The following TTC23L variants were observed in gnomAD, a reference collection of about 807,000 sequenced individuals.
TTC23L encodes tetratricopeptide repeat domain 23 like, also known as tetratricopeptide repeat protein 23-like.
In TTC23L, 42 loss-of-function variants were observed where a neutral mutation model predicts 48.1. That is an observed-to-expected ratio of 0.87 (90% confidence interval 0.68 to 1.13). The LOEUF is 1.13. TTC23L is among the 50% of genes most tolerant of loss of function. The pLI, the probability that TTC23L is intolerant of heterozygous loss-of-function variation, is 0.00. For missense variants in TTC23L, 391 were observed against 421.0 expected (o/e 0.93, Z 0.62); for synonymous variants, 159 against 157.2 (o/e 1.01, Z -0.09).
At chr5:34,841,554 G>C (rs1285748826) in intron 2 of TTC23L, among the ~76,000 whole-genome samples, 1 of 152,160 alleles carries the variant, frequency 6.6e-6, no homozygotes, top group African/African-American at 2.4e-5. Flanking sequence ...GCCTTGCTCT[G>C]TCACCCAGGC....
the TTC23L span, chr5:34,916,246 T>A: frequency 5.5e-6 from 1 of 181,512 alleles, no homozygotes; most frequent in African/African-American, 2.4e-5. Context: ...TCGCTATTAT[T>A]TCTCCAGTGA....
intron 8 of TTC23L, among the ~76,000 whole-genome samples, chr5:34,878,269 G>A (rs1402546643): frequency 6.6e-6 from 1 of 152,188 alleles, no homozygotes; most frequent in African/African-American, 2.4e-5. Context: ...GGGAGGCTGA[G>A]TTAGGAGAAT....
At chr5:34,875,705 A>T (rs1370615989) in intron 8 of TTC23L, among the ~76,000 whole-genome samples, 1 of 152,112 alleles carries the variant, frequency 6.6e-6, no homozygotes, top group Non-Finnish European at 1.5e-5. Context: ...TAATCATCAC[A>T]CCCGTGTATC....
the TTC23L span, chr5:34,918,357 T>C: frequency 7.5e-7 from 1 of 1,336,348 alleles, no homozygotes; most frequent in Non-Finnish European, 1.1e-6. Flanking sequence ...ATTTTCTTTT[T>C]CTTTAGGGAA....
chr5:34,920,971 TCTC>T, the TTC23L span: 2 of 152,306 alleles, frequency 1.3e-5, no homozygotes, highest in South Asian at 4.1e-4. Flanking sequence ...TTTAAGCAAT[TCTC>T]CTGCCTCAGC....
At chr5:34,871,042 C>T (rs1761418520) in intron 8 of TTC23L, among the ~76,000 whole-genome samples, 1 of 152,154 alleles carries the variant, frequency 6.6e-6, no homozygotes, top group East Asian at 1.9e-4. Context: ...AGATCAAGAA[C>T]AAGGCAAGGA....
chr5:34,876,462 A>G (rs1223494380), intron 8 of TTC23L, among the ~76,000 whole-genome samples: 4 of 150,230 alleles, frequency 2.7e-5, no homozygotes, highest in African/African-American at 5.1e-5. Context: ...AGGACAATAA[A>G]GGAATATTAT....
At chr5:34,850,201 A>G in exon 4 of TTC23L, 1 of 1,613,844 alleles carries the variant, frequency 6.2e-7, no homozygotes, top group South Asian at 1.1e-5. Context: ...CAAGCAAACA[A>G]GGAGCTGATT....
At chr5:34,851,144 T>A (rs1759644309) in intron 4 of TTC23L, among the ~76,000 whole-genome samples, 1 of 152,292 alleles carries the variant, frequency 6.6e-6, no homozygotes. Flanking sequence ...CACAATATGG[T>A]TTGGCATATT....
the TTC23L span, chr5:34,922,038 AGAATACCTAAGAG>A: frequency 2.7e-6 from 1 of 376,358 alleles, no homozygotes; most frequent in African/African-American, 2.1e-5. Context: ...TACCTTGGGT[AGAATACCTAAGAG>A]GAACTTTAAA....
intron 8 of TTC23L, among the ~76,000 whole-genome samples, chr5:34,874,112 G>A (rs1207501476): frequency 6.6e-6 from 1 of 152,084 alleles, no homozygotes; most frequent in Non-Finnish European, 1.5e-5. Context: ...AAGGTCACAT[G>A]GCAAACCAGT....
At chr5:34,875,317 G>A (rs1378760020) in intron 8 of TTC23L, among the ~76,000 whole-genome samples, 5 of 152,160 alleles carry the variant, frequency 3.3e-5, no homozygotes, top group Non-Finnish European at 5.9e-5. Context: ...TAATAGGATA[G>A]ATACATATAT....
chr5:34,908,879 T>C, the TTC23L span: 17 of 1,613,240 alleles, frequency 1.1e-5, no homozygotes, highest in South Asian at 1.8e-4. Flanking sequence ...CTCTGTTATC[T>C]GTCCGAATAG....
At position 34,884,653 on chromosome 5, in the gene TTC23L, GA is replaced by G. The variant is rs903374738; in HGVS notation, c.1077+4354del. Among the ~76,000 whole-genome samples the G allele has an allele frequency of 4.5e-4, 67 of 147,884 alleles. No individual in the cohort carries two copies. In the East Asian group the frequency reaches 6.5e-3, roughly 14 times the overall value. On this transcript the variant is annotated intron_variant, in intron 9 of 10. Transcript: ENST00000505624. ...TTTATATGCTAACGTTGAACAATTTGAAAAAAAAAGTAAGAAAACAATCCCA... is the reference window on the plus strand; with the variant it reads ...TTTATATGCTAACGTTGAACAATTTGAAAAAAAAGTAAGAAAACAATCCCA...
intron 8 of TTC23L, among the ~76,000 whole-genome samples, chr5:34,873,833 C>G (rs1030730029): frequency 6.6e-6 from 1 of 152,120 alleles, no homozygotes; most frequent in Non-Finnish European, 1.5e-5. Context: ...TTTTTGTCTA[C>G]ATACAGAGCA....
the TTC23L span, chr5:34,920,176 C>G: frequency 1.6e-5 from 3 of 189,632 alleles, no homozygotes; most frequent in Non-Finnish European, 3.2e-5. Context: ...AGTAGGTACT[C>G]AAAAAATTAT....
chr5:34,923,483 G>T, the TTC23L span: 2 of 439,036 alleles, frequency 4.6e-6, no homozygotes, highest in African/African-American at 2.0e-5. Flanking sequence ...TCGCCATGTT[G>T]GCCAGGCTGG....
chr5:34,916,649 A>G, the TTC23L span: 2 of 152,278 alleles, frequency 1.3e-5, no homozygotes, highest in Non-Finnish European at 2.9e-5. Context: ...TAAGCTAGAC[A>G]GAATACTGTG....
chr5:34,866,415 T>C (rs1246594977), intron 6 of TTC23L, among the ~76,000 whole-genome samples: 1 of 152,260 alleles, frequency 6.6e-6, no homozygotes, highest in African/African-American at 2.4e-5. Context: ...TGATATGCTA[T>C]AATTTATTTA....
Sources: allele counts gnomAD v4.1 joint callset (sites outside exome capture counted in the v4.1 genomes callset), GRCh38; gene constraint gnomAD v4.1.1; transcripts MANE v1.5; gene names NCBI Gene and HGNC (gene_info 2026-07-23, HGNC 2026-07-21).